Variants in PON3 observed in about 807,000 individuals in gnomAD.
PON3 encodes the protein paraoxonase 3, also known as serum paraoxonase/lactonase 3.
Under a neutral mutation model 36.3 loss-of-function variants are expected in PON3, and 37 were observed. The observed-to-expected ratio is 1.02, with a 90% CI of 0.78 to 1.34. The LOEUF (loss-of-function observed/expected upper bound fraction) is 1.34, where lower values mean the gene tolerates loss of function less well. Ranked by LOEUF, PON3 falls within the 40% of genes most tolerant of loss-of-function variation. The pLI is 0.00. For missense variants in PON3, 415 were observed against 426.5 expected (o/e 0.97, Z 0.24); for synonymous variants, 155 against 154.8 (o/e 1.00, Z -0.01).
At chr7:95,361,694 A>G (rs1808572761) in intron 8 of PON3, among the ~76,000 whole-genome samples, 1 of 152,194 alleles carries the variant, frequency 6.6e-6, no homozygotes, top group African/African-American at 2.4e-5. Flanking sequence ...CAGGTACTCA[A>G]TAAATTTTTG....
chr7:95,396,240 A>T, intron 1 of PON3, 37 bp downstream of exon 1: 2 of 1,606,866 alleles, frequency 1.2e-6, no homozygotes, highest in Non-Finnish European at 1.7e-6. Flanking sequence ...AGAGGAGAGA[A>T]AGAGAGTCGA....
chr7:95,386,169 T>C (rs1183690676), intron 3 of PON3, among the ~76,000 whole-genome samples: 3 of 152,124 alleles, frequency 2.0e-5, no homozygotes, highest in African/African-American at 7.2e-5. Flanking sequence ...TGAAAAACCC[T>C]TCAAAAAATC....
intron 3 of PON3, among the ~76,000 whole-genome samples, chr7:95,386,361 C>T (rs1809190506): frequency 6.6e-6 from 1 of 152,148 alleles, no homozygotes; most frequent in Admixed American, 6.5e-5. Context: ...CACCTCTACA[C>T]AAATAAACTA....
chr7:95,393,918 A>G (rs1438023784), intron 2 of PON3, among the ~76,000 whole-genome samples: 3 of 152,072 alleles, frequency 2.0e-5, no homozygotes, highest in African/African-American at 4.8e-5. Context: ...TTTTTAAGAC[A>G]AAGTCTCGCT....
At chr7:95,371,701 C>T (rs559829679) in intron 4 of PON3, among the ~76,000 whole-genome samples, 220 of 152,216 alleles carry the variant, frequency 1.4e-3, no homozygotes, top group African/African-American at 5.0e-3. Flanking sequence ...AGTCTCTCAT[C>T]TAATATATGA....
chr7:95,368,810 C>CAA (rs1180608578), intron 4 of PON3, among the ~76,000 whole-genome samples: 3 of 93,550 alleles, frequency 3.2e-5, no homozygotes, highest in Admixed American at 1.3e-4. Flanking sequence ...AAAACAAAAA[C>CAA]AAACAAAAAA....
intron 5 of PON3, chr7:95,365,628 T>TG (rs1370337370): frequency 6.6e-6 from 1 of 152,244 alleles, no homozygotes; most frequent in Non-Finnish European, 1.5e-5. Context: ...TTCCTAGGGC[T>TG]GGCACAGCAA....
intron 3 of PON3, among the ~76,000 whole-genome samples, chr7:95,385,999 T>C (rs1332108870): frequency 1.3e-5 from 2 of 152,082 alleles, no homozygotes; most frequent in African/African-American, 2.4e-5. Context: ...CCATTTACAT[T>C]TAAGGTTAGC....
intron 3 of PON3, among the ~76,000 whole-genome samples, chr7:95,382,811 C>A (rs537435699): frequency 6.6e-6 from 1 of 152,146 alleles, no homozygotes; most frequent in Admixed American, 6.5e-5. Flanking sequence ...TAAACTATCC[C>A]AATCAATAGA....
chr7:95,396,101 T>G, intron 1 of PON3, 176 bp downstream of exon 1: 1 of 710,426 alleles, frequency 1.4e-6, no homozygotes, highest in Non-Finnish European at 2.5e-6. Context: ...GAAACGCAAG[T>G]AGCTCACTTT....
intron 3 of PON3, among the ~76,000 whole-genome samples, chr7:95,380,995 G>A (rs1012566971): frequency 5.3e-5 from 8 of 152,224 alleles, no homozygotes; most frequent in African/African-American, 1.9e-4. Flanking sequence ...CAGACTAACA[G>A]CTGATCTCTT....
At position 95,364,053 on chromosome 7, in the gene PON3, T is replaced by C; in HGVS notation, c.505A>G (p.Ile169Val). Residue 169 changes from isoleucine (I) to valine (V), a missense_variant, in exon 6 of 9, where the codon ATT becomes GTT. Coordinates refer to ENST00000265627, the MANE Select transcript of PON3 (RefSeq NM_000940.3). ...KHELLKSVND[I>V]VVLGPEQFYA... is the part of the protein sequence containing the mutation. Reference sequence around the variant, plus strand: ...AACTGTTCTGGTCCAAGAACCACAATGTCATTCACACTAAAGTGAAAGGGA... The same window carrying C: ...AACTGTTCTGGTCCAAGAACCACAACGTCATTCACACTAAAGTGAAAGGGA... 1.9e-6 allele frequency: 3 copies of C among 1,613,644 alleles called. No individual in the cohort carries two copies. Among genetic ancestry groups the C allele is most frequent in the Non-Finnish European group, 2.5e-6 (3 of 1,179,620 alleles).
intron 3 of PON3, among the ~76,000 whole-genome samples, chr7:95,382,953 A>G (rs546599810): frequency 3.0e-4 from 46 of 152,316 alleles, no homozygotes; most frequent in Non-Finnish European, 5.7e-4. Flanking sequence ...AAAATCCTCA[A>G]TAAAATACTA....
intron 3 of PON3, among the ~76,000 whole-genome samples, chr7:95,382,249 A>G (rs556855866): frequency 6.6e-6 from 1 of 152,362 alleles, no homozygotes; most frequent in African/African-American, 2.4e-5. Context: ...AAGAGAAAGC[A>G]GGAAAGATCT....
chr7:95,360,041 C>T lies in PON3; in HGVS notation c.997G>A (p.Ala333Thr). Residue 333 changes from alanine (A) to threonine (T), a missense_variant, in exon 9 of 9, where the codon GCT (alanine) becomes ACT (threonine). Physicochemically the swap from Ala to Thr is moderately conservative, Grantham distance 58. Coordinates refer to ENST00000265627, the MANE Select transcript of PON3 (RefSeq NM_000940.3). ...AGAATTTTCCCATGGTACACAGAAG[C>T]CACAGAGGTGCCCTGAAGCACAGAG... ...NGSVLQGTSV[A>T]SVYHGKILIG... 1 of 1,613,426 alleles carries T rather than the reference C, an allele frequency of 6.2e-7. No individual in the cohort carries two copies.
At chr7:95,390,125 A>G in intron 3 of PON3, 29 bp downstream of exon 3, 1 of 1,573,570 alleles carries the variant, frequency 6.4e-7, no homozygotes, top group Non-Finnish European at 8.7e-7. Flanking sequence ...TATTGATGTG[A>G]GCATGAGAGC....
Position 95,362,813 on chromosome 7 carries a change from T to C in PON3, c.724A>G (p.Lys242Glu), listed in dbSNP as rs749953076. 6.2e-7 allele frequency: 1 copy of C among 1,611,986 alleles called. No individual in the cohort carries two copies. Among genetic ancestry groups the C allele is most frequent in the Admixed American group, 1.7e-5 (1 of 59,938 alleles). Reference sequence around the variant, plus strand: ...TGTTTTTCCATTATGTGAATGTTCTTAGCTGCTACATCAGCTACATAGACA... The same window carrying C: ...TGTTTTTCCATTATGTGAATGTTCTCAGCTGCTACATCAGCTACATAGACA... The part of the protein sequence containing the change: ...KYVYVADVAA[K>E]NIHIMEKHDN... The change falls in exon 7 of 9, where the codon AAG becomes GAG. Residue 242 changes from lysine to glutamate, a missense_variant. Physicochemically the swap from Lys to Glu is moderately conservative, Grantham distance 56. Transcript: ENST00000265627.
chr7:95,382,636 T>C (rs183906992), intron 3 of PON3, among the ~76,000 whole-genome samples: 5,376 of 152,176 alleles, frequency 0.035, 141 homozygotes, highest in South Asian at 0.13. Flanking sequence ...ACATACACCC[T>C]CCCAAGACTA....
chr7:95,380,362 G>T (rs1585727856), intron 3 of PON3, among the ~76,000 whole-genome samples: 1 of 152,354 alleles, frequency 6.6e-6, no homozygotes, highest in East Asian at 1.9e-4. Flanking sequence ...AAAGGACTTT[G>T]ATGAGTTGAG....
Sources: allele counts gnomAD v4.1 joint callset (sites outside exome capture counted in the v4.1 genomes callset), GRCh38; gene constraint gnomAD v4.1.1; transcripts MANE v1.5; gene names NCBI Gene and HGNC (gene_info 2026-07-23, HGNC 2026-07-21).